PARD3: variants seen among roughly 807,000 people sequenced by gnomAD.
The protein encoded by PARD3 is partitioning defective 3 homolog.
A neutral mutation model predicts 155.4 loss-of-function variants in PARD3; 75 were observed. The ratio of observed to expected loss-of-function variants is 0.48; its 90% CI spans 0.40 to 0.58. The LOEUF (loss-of-function observed/expected upper bound fraction) is 0.58. Ranked by LOEUF, PARD3 falls within the 20% of genes least tolerant of loss-of-function variation. The probability of loss-of-function intolerance (pLI) is 0.00; values close to 1 mark genes in which losing one functional copy is unlikely to be tolerated. For synonymous variants in PARD3, 576 were observed against 610.5 expected (o/e 0.94, Z 0.83); for missense variants, 1,642 against 1,721.7 (o/e 0.95, Z 0.82).
chr10:34,200,469 A>G (rs541017440), intron 22 of PARD3, among the ~76,000 whole-genome samples: 8 of 151,874 alleles, frequency 5.3e-5, no homozygotes, highest in African/African-American at 1.9e-4. Flanking sequence ...AAGTCAGGAA[A>G]TGAATCTGTG....
At chr10:34,752,745 G>C (rs926536714) in intron 1 of PARD3, among the ~76,000 whole-genome samples, 1 of 152,166 alleles carries the variant, frequency 6.6e-6, no homozygotes, top group Non-Finnish European at 1.5e-5. Context: ...GAAGGCGGAC[G>C]CTATTACCAG....
At chr10:34,346,290 G>A (rs1434163490) in intron 15 of PARD3, 2 of 1,238,936 alleles carry the variant, frequency 1.6e-6, no homozygotes, top group Non-Finnish European at 2.1e-6. Flanking sequence ...CATATATACA[G>A]CATTTCAAAA....
intron 2 of PARD3, among the ~76,000 whole-genome samples, chr10:34,650,366 TTGTGGTTTA>T (rs2092970012): frequency 6.6e-6 from 1 of 152,172 alleles, no homozygotes; most frequent in Admixed American, 6.5e-5. Flanking sequence ...GACGGGACCA[TTGTGGTTTA>T]TGTGGTCCAT....
intron 2 of PARD3, among the ~76,000 whole-genome samples, chr10:34,663,059 G>C (rs561378178): frequency 6.6e-6 from 1 of 152,268 alleles, no homozygotes; most frequent in East Asian, 1.9e-4. Context: ...GGGAGCAGGG[G>C]AGTGGAGTTA....
At chr10:34,205,559 GGCAA>G (rs1192183251) in intron 22 of PARD3, among the ~76,000 whole-genome samples, 1 of 152,144 alleles carries the variant, frequency 6.6e-6, no homozygotes, top group Non-Finnish European at 1.5e-5. Flanking sequence ...CAGATGCAAT[GGCAA>G]GCAGAGGGAC....
intron 2 of PARD3, among the ~76,000 whole-genome samples, chr10:34,629,385 CA>C (rs1417064913): frequency 6.6e-6 from 1 of 152,148 alleles, no homozygotes; most frequent in East Asian, 1.9e-4. Context: ...TCTGCATGTA[CA>C]AAAGTAGTGA....
At chr10:34,280,216 C>A (rs764698836) in intron 21 of PARD3, among the ~76,000 whole-genome samples, 4 of 151,900 alleles carry the variant, frequency 2.6e-5, no homozygotes, top group Non-Finnish European at 5.9e-5. Flanking sequence ...CAGACCTGAC[C>A]GTGATCCAGA....
intron 5 of PARD3, among the ~76,000 whole-genome samples, chr10:34,419,467 A>C (rs1845984063): frequency 1.3e-5 from 2 of 152,160 alleles, no homozygotes; most frequent in African/African-American, 4.8e-5. Flanking sequence ...CAGTGAGCAG[A>C]GATTGTGCCA....
At chr10:34,459,373 GTGTTAGCCA>G (rs2077504706) in intron 4 of PARD3, among the ~76,000 whole-genome samples, 1 of 151,586 alleles carries the variant, frequency 6.6e-6, no homozygotes, top group African/African-American at 2.4e-5. Context: ...GGGTTTCACC[GTGTTAGCCA>G]GGATGGTCTC....
chr10:34,441,315 G>T (rs952585839), intron 5 of PARD3, among the ~76,000 whole-genome samples: 2 of 152,136 alleles, frequency 1.3e-5, no homozygotes, highest in Admixed American at 6.5e-5. Flanking sequence ...AAGAAACTGG[G>T]TCTGCACTGG....
intron 3 of PARD3, 92 bp downstream of exon 3, chr10:34,516,887 T>C (rs1445950866): frequency 6.6e-6 from 8 of 1,217,166 alleles, no homozygotes; most frequent in Non-Finnish European, 9.3e-6. Context: ...AACAGATAAT[T>C]AATTCCATTT....
intron 22 of PARD3, among the ~76,000 whole-genome samples, chr10:34,178,143 T>A (rs889832610): frequency 2.0e-5 from 3 of 152,142 alleles, no homozygotes; most frequent in Admixed American, 2.0e-4. Flanking sequence ...TCTCTGAAAA[T>A]CATGCATTTA....
At chr10:34,580,923 T>G (rs1207069079) in intron 2 of PARD3, among the ~76,000 whole-genome samples, 1 of 152,218 alleles carries the variant, frequency 6.6e-6, no homozygotes, top group Non-Finnish European at 1.5e-5. Flanking sequence ...TCAATCCTCC[T>G]TGTCTGACTT....
chr10:34,200,222 A>G (rs1267654998), intron 22 of PARD3, among the ~76,000 whole-genome samples: 1 of 152,216 alleles, frequency 6.6e-6, no homozygotes, highest in African/African-American at 2.4e-5. Context: ...GGAAGAATAT[A>G]GCTTATAGAC....
chr10:34,812,129 T>C (rs1365540631), intron 1 of PARD3, among the ~76,000 whole-genome samples: 2 of 152,236 alleles, frequency 1.3e-5, no homozygotes, highest in Non-Finnish European at 2.9e-5. Context: ...AATTGATTTG[T>C]GTAATCTGAA....
intron 21 of PARD3, among the ~76,000 whole-genome samples, chr10:34,275,888 T>A (rs572820281): frequency 3.3e-5 from 5 of 152,248 alleles, no homozygotes; most frequent in African/African-American, 9.6e-5. Context: ...AGTCACTCAT[T>A]TTTCTGAACA....
rs1442513634 is a variant in PARD3 at position 34,810,777 on chromosome 10, C to T, written c.120+4099G>A. Among the ~76,000 whole-genome samples, 4 of 152,144 alleles carry T rather than the reference C, an allele frequency of 2.6e-5. 1 individual carries two copies. In the South Asian group the frequency reaches 6.2e-4, roughly 24 times the overall value. On this transcript the variant is annotated intron_variant, in intron 1 of 24. Coordinates refer to ENST00000374788, the MANE Select transcript of PARD3 (RefSeq NM_001184785.2). ...TCTTTACGGAGCAGCTAGTATGGGC[C>T]GGGCCCAGGACTTTAGAGTTTCCCT...
At chr10:34,598,133 G>A (rs1309224869) in intron 2 of PARD3, among the ~76,000 whole-genome samples, 4 of 152,256 alleles carry the variant, frequency 2.6e-5, no homozygotes, top group East Asian at 1.9e-4. Flanking sequence ...ACTGCAGAAC[G>A]TAGTTAATTA....
chr10:34,251,402 T>C (rs1954299485), intron 22 of PARD3, among the ~76,000 whole-genome samples: 5 of 152,198 alleles, frequency 3.3e-5, no homozygotes, highest in Admixed American at 3.3e-4. Flanking sequence ...GACTGCTCTG[T>C]GTGCCAGGCA....
Sources: gnomAD v4.1 joint callset for allele counts (sites outside exome capture counted in the v4.1 genomes callset) on GRCh38, gnomAD v4.1.1 for gene constraint, MANE v1.5 for transcripts, NCBI Gene and HGNC (gene_info 2026-07-23, HGNC 2026-07-21) for gene names.